GALNT14: variants seen among roughly 807,000 people sequenced by gnomAD.
GALNT14 encodes UDP-GalNAc:polypeptide N-acetylgalactosaminyltransferase 14.
In GALNT14, 60 loss-of-function variants were observed where a neutral mutation model predicts 77.5. That is an observed-to-expected ratio of 0.77 (90% CI 0.63 to 0.96). The LOEUF is 0.96. GALNT14 is among the 40% of genes least tolerant of loss of function. The pLI is 0.00. For missense variants in GALNT14, 710 were observed against 731.0 expected (o/e 0.97, Z 0.33); for synonymous variants, 280 against 281.7 (o/e 0.99, Z 0.06).
chr2:31,112,735 C>A (rs536845194), intron 1 of GALNT14, among the ~76,000 whole-genome samples: 1 of 152,346 alleles, frequency 6.6e-6, no homozygotes, highest in East Asian at 1.9e-4. Flanking sequence ...CAGTCCCCTG[C>A]AGCCTGCCCT....
chr2:31,131,167 G>A (rs2148651820), intron 1 of GALNT14, among the ~76,000 whole-genome samples: 1 of 152,122 alleles, frequency 6.6e-6, no homozygotes, highest in East Asian at 1.9e-4. Flanking sequence ...ATGTCTATCA[G>A]GAAACTCGGG....
intron 6 of GALNT14, among the ~76,000 whole-genome samples, chr2:30,947,241 C>T (rs1666752306): frequency 6.6e-6 from 1 of 152,144 alleles, no homozygotes; most frequent in Admixed American, 6.5e-5. Context: ...GCAAATCTGA[C>T]TCTGCCACTC....
intron 1 of GALNT14, among the ~76,000 whole-genome samples, chr2:31,049,259 A>G (rs1478765186): frequency 2.0e-5 from 3 of 151,934 alleles, no homozygotes; most frequent in Non-Finnish European, 4.4e-5. Context: ...AGCTCATTCT[A>G]TGGTATCCCA....
chr2:31,030,776 T>C (rs1308834190), intron 1 of GALNT14, among the ~76,000 whole-genome samples: 1 of 152,196 alleles, frequency 6.6e-6, no homozygotes, highest in African/African-American at 2.4e-5. Flanking sequence ...TTCCAGCCCC[T>C]GGAATATGAG....
At chr2:31,053,333 A>G (rs1001179718) in intron 1 of GALNT14, among the ~76,000 whole-genome samples, 1 of 152,104 alleles carries the variant, frequency 6.6e-6, no homozygotes, top group East Asian at 1.9e-4. Context: ...AAAGACAGTT[A>G]TAACGCCTGA....
intron 1 of GALNT14, among the ~76,000 whole-genome samples, chr2:31,040,834 G>T (rs147708596): frequency 2.0e-5 from 3 of 152,138 alleles, no homozygotes; most frequent in Admixed American, 6.5e-5. Context: ...TGCACCCTAC[G>T]GTTGTGGCCT....
chr2:30,969,960 C>T (rs372544236), intron 2 of GALNT14, among the ~76,000 whole-genome samples: 1 of 152,218 alleles, frequency 6.6e-6, no homozygotes, highest in Non-Finnish European at 1.5e-5. Context: ...GGGCATCCGA[C>T]ATTACTTTCC....
At chr2:31,113,435 G>A (rs1224316211) in intron 1 of GALNT14, among the ~76,000 whole-genome samples, 3 of 152,162 alleles carry the variant, frequency 2.0e-5, no homozygotes, top group African/African-American at 2.4e-5. Flanking sequence ...CAGAGTAGGA[G>A]AGGCCCCTGG....
At chr2:31,106,376 A>T (rs1325610669) in intron 1 of GALNT14, among the ~76,000 whole-genome samples, 2 of 152,002 alleles carry the variant, frequency 1.3e-5, no homozygotes, top group Admixed American at 6.6e-5. Context: ...TTCTATGTCA[A>T]TCATTTTCTC....
intron 2 of GALNT14, among the ~76,000 whole-genome samples, chr2:30,989,232 A>T (rs923729378): frequency 6.6e-6 from 1 of 152,066 alleles, no homozygotes; most frequent in Non-Finnish European, 1.5e-5. Flanking sequence ...GATGCTAAGG[A>T]CCAGCACCCC....
intron 1 of GALNT14, among the ~76,000 whole-genome samples, chr2:30,997,765 C>G (rs1001623252): frequency 1.3e-5 from 2 of 152,160 alleles, no homozygotes; most frequent in Non-Finnish European, 2.9e-5. Flanking sequence ...CATGTAGACA[C>G]TGTGGAATGA....
chr2:31,057,702 A>G (rs1037953767), intron 1 of GALNT14, among the ~76,000 whole-genome samples: 1 of 152,042 alleles, frequency 6.6e-6, no homozygotes, highest in Non-Finnish European at 1.5e-5. Flanking sequence ...CAATGGGCCC[A>G]ATGTTGTCTG....
At chr2:31,129,702 C>A in intron 1 of GALNT14, 1 of 960,718 alleles carries the variant, frequency 1.0e-6, no homozygotes, top group Non-Finnish European at 1.2e-6. Flanking sequence ...TTGATTGGAC[C>A]AGTCTCTATG....
intron 1 of GALNT14, among the ~76,000 whole-genome samples, chr2:31,061,507 G>A (rs1168116852): frequency 6.6e-6 from 1 of 152,074 alleles, no homozygotes; most frequent in Admixed American, 6.6e-5. Context: ...CTATCAGAGT[G>A]ATCTTCCTAA....
At chr2:31,086,816 C>G (rs1676453143) in intron 1 of GALNT14, among the ~76,000 whole-genome samples, 1 of 152,116 alleles carries the variant, frequency 6.6e-6, no homozygotes, top group Non-Finnish European at 1.5e-5. Flanking sequence ...GGGTTCACAG[C>G]CTGCAGATTG....
rs368989851 is a variant in GALNT14 at position 31,069,961 on chromosome 2, C to T, written c.129+67997G>A. ...AGAAATGCATCAAAGCTGGCCTGGA[C>T]CGAGAGAAGAGGAGGAGGATGGCTT... is the stretch of plus-strand genomic sequence containing the variant. On this transcript the variant is annotated intron_variant, in intron 1 of 14. Transcript: ENST00000349752. Among the ~76,000 whole-genome samples, 5 of 152,038 alleles carry T rather than the reference C, an allele frequency of 3.3e-5. No individual in the cohort carries two copies. The East Asian group carries it at 7.7e-4, about 24-fold the overall frequency.
intron 11 of GALNT14, among the ~76,000 whole-genome samples, chr2:30,928,614 A>G (rs1229882777): frequency 6.6e-6 from 1 of 151,892 alleles, no homozygotes; most frequent in Non-Finnish European, 1.5e-5. Flanking sequence ...ATTTATTTTT[A>G]ATTAATTAAC....
chr2:30,934,699 C>T (rs1471446287), intron 9 of GALNT14, among the ~76,000 whole-genome samples: 1 of 152,156 alleles, frequency 6.6e-6, no homozygotes, highest in Non-Finnish European at 1.5e-5. Context: ...TGGCCCTGAT[C>T]CTTCTCTACC....
chr2:31,138,364 C>G lies in GALNT14; in HGVS notation c.-278G>C, dbSNP rs938318633. On this transcript the variant is annotated 5_prime_UTR_variant, in exon 1 of 15. Transcript: ENST00000349752. Reference sequence around the variant, plus strand: ...CCAGCGGGAGAAGCGCGGTGGCTGCCGAGATGTTCCCCACGCCGCCACCGC... The same window carrying G: ...CCAGCGGGAGAAGCGCGGTGGCTGCGGAGATGTTCCCCACGCCGCCACCGC... 49 of 438,884 alleles carry G rather than the reference C, an allele frequency of 1.1e-4. 1 individual carries two copies. In the East Asian group the frequency reaches 2.1e-3, roughly 19 times the overall value. 27.2% of individuals were successfully genotyped at this position (438,884 alleles called of 1,614,324 possible).
Sources: allele counts gnomAD v4.1 joint callset (sites outside exome capture counted in the v4.1 genomes callset), GRCh38; gene constraint gnomAD v4.1.1; transcripts MANE v1.5; gene names NCBI Gene and HGNC (gene_info 2026-07-23, HGNC 2026-07-21).